WDR27: variants seen among roughly 807,000 people sequenced by gnomAD.
The protein encoded by WDR27 is WD repeat domain 27.
In WDR27, 100 loss-of-function variants were observed where a neutral mutation model predicts 114.4. The ratio of observed to expected loss-of-function variants is 0.87; its 90% CI spans 0.74 to 1.03. The LOEUF (loss-of-function observed/expected upper bound fraction) is 1.03, where lower values mean the gene tolerates loss of function less well. Ranked by LOEUF, WDR27 falls within the 50% of genes least tolerant of loss-of-function variation. The pLI is 0.00. For missense variants in WDR27, 1,129 were observed against 1,092.9 expected, an observed-to-expected ratio of 1.03 and a Z score of -0.47; for synonymous variants, 449 against 423.1, an observed-to-expected ratio of 1.06 and a Z score of -0.75.
intron 25 of WDR27, among the ~76,000 whole-genome samples, chr6:169,537,839 G>C (rs1393428395): frequency 1.3e-5 from 2 of 152,160 alleles, no homozygotes; most frequent in East Asian, 3.9e-4. Context: ...GGGGGAAATG[G>C]CAAGAAATAG....
chr6:169,543,387 C>T (rs188827878), intron 25 of WDR27, among the ~76,000 whole-genome samples: 3 of 152,024 alleles, frequency 2.0e-5, no homozygotes, highest in African/African-American at 2.4e-5. Context: ...GGTCTTAATA[C>T]CCCCTTCATA....
the WDR27 span, among the ~76,000 whole-genome samples, chr6:169,438,695 T>A: frequency 1.7e-4 from 26 of 152,196 alleles, no homozygotes; most frequent in Admixed American, 2.0e-4. Context: ...AGGTTCAACT[T>A]CTAGGTTATC....
intron 25 of WDR27, among the ~76,000 whole-genome samples, chr6:169,464,846 C>T (rs1244472104): frequency 1.3e-5 from 2 of 152,262 alleles, no homozygotes; most frequent in African/African-American, 2.4e-5. Flanking sequence ...CTCGGCCAGG[C>T]ACGGTGGCCC....
chr6:169,609,717 A>T (rs1004641199), intron 22 of WDR27, among the ~76,000 whole-genome samples: 2 of 152,214 alleles, frequency 1.3e-5, no homozygotes, highest in Non-Finnish European at 2.9e-5. Flanking sequence ...TGTCTTGGGG[A>T]TTAACATTTG....
intron 2 of WDR27, among the ~76,000 whole-genome samples, chr6:169,688,593 TATTAA>T (rs758683347): frequency 1.9e-4 from 29 of 152,244 alleles, no homozygotes; most frequent in South Asian, 8.3e-4. Context: ...TGAAGAAACT[TATTAA>T]ATTAATTCCA....
intron 22 of WDR27, among the ~76,000 whole-genome samples, chr6:169,602,616 A>C (rs1584506043): frequency 6.6e-6 from 1 of 152,172 alleles, no homozygotes; most frequent in African/African-American, 2.4e-5. Flanking sequence ...TTTAAATATC[A>C]AAACAAACTT....
intron 25 of WDR27, among the ~76,000 whole-genome samples, chr6:169,490,386 ATTC>A (rs1407923653): frequency 6.6e-6 from 1 of 152,238 alleles, no homozygotes; most frequent in Admixed American, 6.5e-5. Context: ...ATGACAAACT[ATTC>A]TTGTAACAAT....
intron 1 of WDR27, among the ~76,000 whole-genome samples, chr6:169,690,553 C>G (rs1784220853): frequency 6.6e-6 from 1 of 152,174 alleles, no homozygotes; most frequent in Non-Finnish European, 1.5e-5. Flanking sequence ...TGCCCCCCTA[C>G]CCCATCCACC....
intron 16 of WDR27, among the ~76,000 whole-genome samples, chr6:169,646,697 G>A (rs946083460): frequency 1.3e-5 from 2 of 150,458 alleles, no homozygotes; most frequent in Non-Finnish European, 2.9e-5. Flanking sequence ...GCAGTGAGCC[G>A]AGATTGTGCC....
chr6:169,617,821 G>C (rs1283885960), intron 21 of WDR27, among the ~76,000 whole-genome samples: 1 of 152,166 alleles, frequency 6.6e-6, no homozygotes, highest in Non-Finnish European at 1.5e-5. Flanking sequence ...CTTTCCTATT[G>C]GCACAACTGC....
At chr6:169,694,183 CTG>C (rs1178364137) in intron 1 of WDR27, among the ~76,000 whole-genome samples, 1 of 152,122 alleles carries the variant, frequency 6.6e-6, no homozygotes, top group Non-Finnish European at 1.5e-5. Flanking sequence ...TGGCAGACGC[CTG>C]TAAGCCCAGC....
chr6:169,679,903 G>A (rs1448770120), intron 2 of WDR27, among the ~76,000 whole-genome samples: 1 of 152,140 alleles, frequency 6.6e-6, no homozygotes, highest in Non-Finnish European at 1.5e-5. Context: ...TGGTAACATA[G>A]GAAGTTTTAA....
chr6:169,670,547 T>G (rs1304138613), intron 4 of WDR27, 22 bp downstream of exon 4: 6 of 1,613,746 alleles, frequency 3.7e-6, no homozygotes, highest in Non-Finnish European at 5.1e-6. Context: ...TTCCGTGAAA[T>G]CCACGTGAAT....
intron 25 of WDR27, among the ~76,000 whole-genome samples, chr6:169,547,200 A>T (rs966451306): frequency 2.0e-5 from 3 of 152,158 alleles, no homozygotes; most frequent in African/African-American, 7.2e-5. Flanking sequence ...ACCAGAAATC[A>T]CTAGGCCCAG....
chr6:169,649,291 T>C lies in WDR27; in HGVS notation c.1482-16A>G, dbSNP rs1562810908. 1 of 1,550,980 alleles carries C rather than the reference T, an allele frequency of 6.4e-7. No individual in the cohort carries two copies. The highest frequency in any genetic ancestry group is 8.7e-7 in the Non-Finnish European group (1 of 1,143,142). ...CATAGTTACACTGTGGAAAGAAAACTCTAATATCACTCTCAAATATTAAGA... is the reference window on the plus strand; with the variant it reads ...CATAGTTACACTGTGGAAAGAAAACCCTAATATCACTCTCAAATATTAAGA... On this transcript the variant is annotated splice_polypyrimidine_tract_variant and intron_variant, in intron 14 of 25. Coordinates refer to ENST00000448612, the MANE Select transcript of WDR27 (RefSeq NM_182552.5).
At chr6:169,460,130 C>T (rs1167718912) in intron 25 of WDR27, among the ~76,000 whole-genome samples, 2 of 152,048 alleles carry the variant, frequency 1.3e-5, no homozygotes, top group African/African-American at 4.8e-5. Context: ...GAGACTAAAA[C>T]ATTAAAAAAA....
chr6:169,560,759 G>A (rs888693560), intron 25 of WDR27, among the ~76,000 whole-genome samples: 2 of 152,142 alleles, frequency 1.3e-5, no homozygotes, highest in Admixed American at 1.3e-4. Flanking sequence ...TTGTAAAAAT[G>A]TAAACTACAC....
intron 4 of WDR27, 99 bp downstream of exon 4, chr6:169,670,470 G>T: frequency 2.2e-6 from 3 of 1,388,898 alleles, no homozygotes; most frequent in Non-Finnish European, 2.9e-6. Context: ...AAAAAAAGGA[G>T]TACAGGAAAA....
chr6:169,464,683 T>C (rs1377565023), intron 25 of WDR27, among the ~76,000 whole-genome samples: 2 of 152,246 alleles, frequency 1.3e-5, no homozygotes, highest in Non-Finnish European at 2.9e-5. Flanking sequence ...TAACAAGGGA[T>C]GTCTGACAAA....
Sources: gnomAD v4.1 joint callset for allele counts (sites outside exome capture counted in the v4.1 genomes callset) on GRCh38, gnomAD v4.1.1 for gene constraint, MANE v1.5 for transcripts, NCBI Gene and HGNC (gene_info 2026-07-23, HGNC 2026-07-21) for gene names.